CNTNAP2: variants seen among roughly 807,000 people sequenced by gnomAD.
The protein encoded by CNTNAP2 is contactin-associated protein-like 2.
A neutral mutation model predicts 155.2 loss-of-function variants in CNTNAP2; 98 were observed. That is an observed-to-expected ratio of 0.63 (90% CI 0.54 to 0.75). The LOEUF is 0.75. Ranked by LOEUF, CNTNAP2 falls within the 30% of genes least tolerant of loss-of-function variation. The probability of loss-of-function intolerance (pLI) is 0.00; values close to 1 mark genes in which losing one functional copy is unlikely to be tolerated. For missense variants in CNTNAP2, 1,727 were observed against 1,688.1 expected (o/e 1.02, Z -0.40); for synonymous variants, 651 against 631.2 (o/e 1.03, Z -0.47).
intron 10 of CNTNAP2, among the ~76,000 whole-genome samples, chr7:147,462,953 A>T (rs945388658): frequency 6.6e-6 from 1 of 152,240 alleles, no homozygotes; most frequent in Admixed American, 6.5e-5. Flanking sequence ...TGTGCTGTAA[A>T]TAACAAAATG....
intron 3 of CNTNAP2, among the ~76,000 whole-genome samples, chr7:146,991,068 A>C (rs1798200170): frequency 6.6e-6 from 1 of 152,154 alleles, no homozygotes; most frequent in Admixed American, 6.5e-5. Flanking sequence ...TGAGAAAAGC[A>C]TAACACACAT....
At chr7:148,341,340 G>C (rs896561198) in intron 21 of CNTNAP2, among the ~76,000 whole-genome samples, 5 of 151,300 alleles carry the variant, frequency 3.3e-5, no homozygotes, top group African/African-American at 1.2e-4. Flanking sequence ...CCGTAATAGT[G>C]TGTTAAAAGA....
chr7:147,295,976 A>G (rs1435040328), intron 8 of CNTNAP2, among the ~76,000 whole-genome samples: 1 of 152,208 alleles, frequency 6.6e-6, no homozygotes, highest in Non-Finnish European at 1.5e-5. Context: ...TAATCTGATT[A>G]GAATAATAGA....
chr7:148,013,174 C>T (rs916503494), intron 15 of CNTNAP2: 2 of 152,158 alleles, frequency 1.3e-5, no homozygotes, highest in Non-Finnish European at 2.9e-5. Context: ...ACAATAGAAA[C>T]TCATTCTCAA....
In CNTNAP2 at chr7:147,305,987, G is replaced by A. The variant is rs150739305; in HGVS notation, c.1498+5697G>A. ...ATAGTCTCCTCCCCTTTGTGTTTCC[G>A]CATCTGAATTTCCTTCCTCTGATAA... On this transcript the variant is annotated intron_variant, in intron 9 of 23. Transcript: ENST00000361727. Among the ~76,000 whole-genome samples the A allele has an allele frequency of 1.5e-4, 23 of 152,034 alleles. No homozygotes were observed. The East Asian group carries it at 2.1e-3, about 14-fold the overall frequency.
intron 1 of CNTNAP2, among the ~76,000 whole-genome samples, chr7:146,257,692 G>T (rs941509028): frequency 1.3e-5 from 2 of 152,156 alleles, no homozygotes; most frequent in Admixed American, 1.3e-4. Flanking sequence ...AGAATCACTG[G>T]GAGGCTGTGT....
intron 8 of CNTNAP2, among the ~76,000 whole-genome samples, chr7:147,251,627 A>G (rs1584820582): frequency 6.6e-6 from 1 of 152,160 alleles, no homozygotes; most frequent in East Asian, 1.9e-4. Context: ...GTCTGACATT[A>G]TGGAAAGACA....
intron 14 of CNTNAP2, among the ~76,000 whole-genome samples, chr7:147,945,026 T>G (rs1320863132): frequency 6.6e-6 from 1 of 152,128 alleles, no homozygotes; most frequent in Non-Finnish European, 1.5e-5. Context: ...AAAAAATATA[T>G]TAAGGTGGAT....
intron 11 of CNTNAP2, among the ~76,000 whole-genome samples, chr7:147,519,397 A>T (rs1366335828): frequency 6.6e-6 from 1 of 152,158 alleles, no homozygotes; most frequent in Non-Finnish European, 1.5e-5. Context: ...CCATCTAAAA[A>T]ATCTAAAATA....
chr7:146,392,811 CCTTCAT>C (rs1795564301), intron 1 of CNTNAP2, among the ~76,000 whole-genome samples: 1 of 133,460 alleles, frequency 7.5e-6, no homozygotes, highest in Non-Finnish European at 1.6e-5. Flanking sequence ...ACTAATTGTG[CCTTCAT>C]ATAAAGACTC....
chr7:146,357,894 T>C (rs904191626), intron 1 of CNTNAP2, among the ~76,000 whole-genome samples: 1 of 135,142 alleles, frequency 7.4e-6, no homozygotes, highest in Admixed American at 7.6e-5. Context: ...ATAAGAAGTA[T>C]ACACATAAAA....
intron 1 of CNTNAP2, among the ~76,000 whole-genome samples, chr7:146,494,299 A>G (rs990857388): frequency 6.6e-6 from 1 of 151,998 alleles, no homozygotes; most frequent in Non-Finnish European, 1.5e-5. Flanking sequence ...GCACCACTGC[A>G]CTCCAGCCTG....
chr7:147,227,595 G>A (rs1055037609), intron 8 of CNTNAP2, among the ~76,000 whole-genome samples: 1 of 152,190 alleles, frequency 6.6e-6, no homozygotes, highest in Non-Finnish European at 1.5e-5. Context: ...AACAGTGACA[G>A]TGAGGGTCAT....
At chr7:146,151,700 A>ATATATATG (rs1798053795) in intron 1 of CNTNAP2, among the ~76,000 whole-genome samples, 2 of 57,562 alleles carry the variant, frequency 3.5e-5, no homozygotes, top group African/African-American at 1.0e-4. Context: ...ATATATATGT[A>ATATATATG]TATATATATA....
chr7:147,485,385 C>G (rs753870035), intron 10 of CNTNAP2, among the ~76,000 whole-genome samples: 44 of 152,198 alleles, frequency 2.9e-4, no homozygotes, highest in African/African-American at 9.9e-4. Flanking sequence ...CTTGCTGCCT[C>G]TTTCAGCAGG....
At chr7:147,485,903 G>A in intron 10 of CNTNAP2, 32 bp from the exon 11 acceptor site, 1 of 1,604,130 alleles carries the variant, frequency 6.2e-7, no homozygotes, top group Non-Finnish European at 8.5e-7. Context: ...TTTGTTTGTT[G>A]GTTTATTTCT....
At chr7:146,173,765 G>A (rs1187817872) in intron 1 of CNTNAP2, among the ~76,000 whole-genome samples, 1 of 152,142 alleles carries the variant, frequency 6.6e-6, no homozygotes, top group East Asian at 1.9e-4. Flanking sequence ...TGCCGTACAT[G>A]CAAATATACT....
Position 147,132,412 on chromosome 7 carries a change from T to C in CNTNAP2, c.1251T>C (p.Asp417=). ...TCCTGGTCTTCAGTCACTTTGCGGA[T>C]AATTTGGGCAATGTGGAGATTGACC... ...NGLLVFSHFA[D]NLGNVEIDLT... is the part of the protein sequence containing the mutation. Residue 417 remains aspartate (D), a synonymous_variant, in exon 8 of 24, where the codon GAT becomes GAC. Coordinates refer to ENST00000361727, the MANE Select transcript of CNTNAP2 (RefSeq NM_014141.6). The C allele has an allele frequency of 2.5e-6, 4 of 1,613,726 alleles. No homozygotes were observed. The highest frequency in any genetic ancestry group is 3.4e-6 in the Non-Finnish European group (4 of 1,179,802).
chr7:147,521,316 T>A (rs1156639358), intron 11 of CNTNAP2, among the ~76,000 whole-genome samples: 1 of 152,198 alleles, frequency 6.6e-6, no homozygotes, highest in East Asian at 1.9e-4. Context: ...CAAAGAAGCA[T>A]GACCCTTTCT....
Sources: allele counts gnomAD v4.1 joint callset (sites outside exome capture counted in the v4.1 genomes callset), GRCh38; gene constraint gnomAD v4.1.1; transcripts MANE v1.5; gene names NCBI Gene and HGNC (gene_info 2026-07-23, HGNC 2026-07-21).